The following NEDD4L variants were observed in gnomAD, a reference collection of about 807,000 sequenced individuals.
NEDD4L encodes the protein NEDD4 like E3 ubiquitin protein ligase, also known as E3 ubiquitin-protein ligase NEDD4-like.
NEDD4L carries 54 observed loss-of-function variants against 148.9 expected under a neutral mutation model. The ratio of observed to expected loss-of-function variants is 0.36; its 90% CI spans 0.29 to 0.45. The LOEUF is 0.45. NEDD4L is among the 20% of genes least tolerant of loss of function. The pLI is 1.00. For synonymous variants in NEDD4L, 433 were observed against 440.7 expected (o/e 0.98, Z 0.22); for missense variants, 856 against 1,233.8 (o/e 0.69, Z 4.59).
chr18:58,357,511 T>C (rs1003443233), intron 19 of NEDD4L: 1 of 638,318 alleles, frequency 1.6e-6, no homozygotes, highest in African/African-American at 1.8e-5. Context: ...TTCTCCTTTA[T>C]AAAAGGGTGG....
intron 5 of NEDD4L, chr18:58,255,538 TG>T (rs1243176848): frequency 8.1e-7 from 1 of 1,231,334 alleles, no homozygotes; most frequent in Non-Finnish European, 1.0e-6. Context: ...GTTTGGCAGA[TG>T]GGACACTTTT....
chr18:58,177,498 G>T lies in NEDD4L; in HGVS notation c.122+11637G>T, dbSNP rs535784059. On this transcript the variant is annotated intron_variant, in intron 2 of 30. Coordinates refer to ENST00000400345, the MANE Select transcript of NEDD4L (RefSeq NM_001144967.3). ...CGTGGCTGCCGGCGTCCCCACCCCAGGAGGAAGGGACTCGTTTCTCTGAAC... is the reference window on the plus strand; with the variant it reads ...CGTGGCTGCCGGCGTCCCCACCCCATGAGGAAGGGACTCGTTTCTCTGAAC... Among the ~76,000 whole-genome samples, 3 of 152,238 alleles carry T rather than the reference G, an allele frequency of 2.0e-5. 1 individual carries two copies. The South Asian group carries it at 6.2e-4, about 32-fold the overall frequency.
intron 2 of NEDD4L, among the ~76,000 whole-genome samples, chr18:58,242,382 C>G (rs1167909618): frequency 2.6e-5 from 4 of 152,138 alleles, no homozygotes; most frequent in Admixed American, 1.3e-4. Flanking sequence ...ATTGTCATTC[C>G]CATTTCATTC....
At chr18:58,057,838 T>A (rs1423092864) in intron 1 of NEDD4L, among the ~76,000 whole-genome samples, 1 of 152,158 alleles carries the variant, frequency 6.6e-6, no homozygotes, top group Non-Finnish European at 1.5e-5. Flanking sequence ...TAAAATAGCC[T>A]AGAATGAAGA....
Position 58,304,708 on chromosome 18 carries a change from C to G in NEDD4L, c.298-11274C>G, listed in dbSNP as rs73959603. ...AACTAGCCATCTATATGTCCAAAAC[C>G]CATCCGCTTTCCACAAACCCATTAT... On this transcript the variant is annotated intron_variant, in intron 5 of 30. Coordinates refer to ENST00000400345, the MANE Select transcript of NEDD4L (RefSeq NM_001144967.3). Among the ~76,000 whole-genome samples, 246 of 152,276 alleles carry G rather than the reference C, an allele frequency of 1.6e-3. 1 individual carries two copies. The highest frequency in any genetic ancestry group is 5.5e-3 in the African/African-American group (227 of 41,558).
intron 1 of NEDD4L, among the ~76,000 whole-genome samples, chr18:58,113,500 TGAGACCTAAAGGAAGGG>T (rs1261929332): frequency 6.6e-6 from 1 of 152,154 alleles, no homozygotes; most frequent in African/African-American, 2.4e-5. Flanking sequence ...AATCTTTAGC[TGAGACCTAAAGGAAGGG>T]GAGGAGCTTG....
intron 1 of NEDD4L, among the ~76,000 whole-genome samples, chr18:58,148,596 A>G (rs2034357523): frequency 6.6e-6 from 1 of 152,070 alleles, no homozygotes; most frequent in Non-Finnish European, 1.5e-5. Context: ...CCCTGCATAC[A>G]TCCGAAGCCC....
At chr18:58,218,906 G>A (rs1463439262) in intron 2 of NEDD4L, among the ~76,000 whole-genome samples, 1 of 152,198 alleles carries the variant, frequency 6.6e-6, no homozygotes, top group Non-Finnish European at 1.5e-5. Flanking sequence ...GAATAGTATT[G>A]TGAAGGCAGT....
intron 1 of NEDD4L, among the ~76,000 whole-genome samples, chr18:58,083,236 A>G (rs2083562025): frequency 6.6e-6 from 1 of 152,224 alleles, no homozygotes; most frequent in Non-Finnish European, 1.5e-5. Context: ...CAGTAACATG[A>G]TAATAACTAA....
intron 1 of NEDD4L, among the ~76,000 whole-genome samples, chr18:58,079,741 T>C (rs946494417): frequency 2.0e-5 from 3 of 152,086 alleles, no homozygotes; most frequent in African/African-American, 7.2e-5. Flanking sequence ...GGACTGGGAT[T>C]GTGGAGGTTT....
At chr18:58,049,487 G>A (rs1029894210) in intron 1 of NEDD4L, among the ~76,000 whole-genome samples, 4 of 152,162 alleles carry the variant, frequency 2.6e-5, no homozygotes, top group East Asian at 1.9e-4. Context: ...CTGACAGGCC[G>A]TTTTCTGAAG....
At chr18:58,264,967 A>G (rs1568515059) in intron 5 of NEDD4L, among the ~76,000 whole-genome samples, 3 of 152,106 alleles carry the variant, frequency 2.0e-5, no homozygotes, top group Non-Finnish European at 2.9e-5. Context: ...TAGAGCTTTC[A>G]GTTTCACAAA....
chr18:58,389,755 A>T (rs1016376436), intron 28 of NEDD4L, among the ~76,000 whole-genome samples: 6 of 151,710 alleles, frequency 4.0e-5, no homozygotes, highest in African/African-American at 1.2e-4. Context: ...AAAAAAAAAA[A>T]CAGTTATCCC....
At chr18:58,196,114 G>A (rs1231208074) in intron 2 of NEDD4L, among the ~76,000 whole-genome samples, 1 of 152,024 alleles carries the variant, frequency 6.6e-6, no homozygotes, top group African/African-American at 2.4e-5. Context: ...CACTGTAAAG[G>A]AATCTGTCAT....
chr18:58,384,874 A>G (rs1372125322), intron 25 of NEDD4L, among the ~76,000 whole-genome samples: 2 of 152,314 alleles, frequency 1.3e-5, no homozygotes, highest in Middle Eastern at 3.4e-3. Flanking sequence ...TCCAGAGTAC[A>G]TTTGCCTTGC....
chr18:58,103,901 C>T (rs898234531), intron 1 of NEDD4L, among the ~76,000 whole-genome samples: 4 of 152,136 alleles, frequency 2.6e-5, no homozygotes, highest in African/African-American at 9.7e-5. Context: ...ATGACCTTGG[C>T]AAAACAAACA....
At chr18:58,159,943 TG>T (rs1295180417) in intron 1 of NEDD4L, among the ~76,000 whole-genome samples, 1 of 152,228 alleles carries the variant, frequency 6.6e-6, no homozygotes, top group Admixed American at 6.5e-5. Flanking sequence ...TACGTGATCC[TG>T]GGGTCACAGT....
chr18:58,335,603 G>C, intron 13 of NEDD4L, 66 bp downstream of exon 13: 1 of 1,176,900 alleles, frequency 8.5e-7, no homozygotes, highest in South Asian at 1.2e-5. Flanking sequence ...ATTTCGTGTA[G>C]TGGTGAATAT....
intron 5 of NEDD4L, among the ~76,000 whole-genome samples, chr18:58,286,115 A>T (rs958566507): frequency 6.6e-6 from 1 of 152,232 alleles, no homozygotes; most frequent in African/African-American, 2.4e-5. Flanking sequence ...GGGTATATTT[A>T]AGTCTAGGGT....
Sources: allele counts gnomAD v4.1 joint callset (sites outside exome capture counted in the v4.1 genomes callset), GRCh38; gene constraint gnomAD v4.1.1; transcripts MANE v1.5; gene names NCBI Gene and HGNC (gene_info 2026-07-23, HGNC 2026-07-21).